SNX29: variants seen among roughly 807,000 people sequenced by gnomAD.
The protein encoded by SNX29 is sorting nexin 29.
Under a neutral mutation model 102.1 loss-of-function variants are expected in SNX29, and 78 were observed. The ratio of observed to expected loss-of-function variants is 0.76; its 90% CI spans 0.64 to 0.92. SNX29 has a LOEUF of 0.92. Ranked by LOEUF, SNX29 falls within the 40% of genes least tolerant of loss-of-function variation. The pLI, the probability that SNX29 is intolerant of heterozygous loss-of-function variation, is 0.00. For synonymous variants in SNX29, 580 were observed against 414.5 expected (o/e 1.40, Z -4.85); for missense variants, 1,280 against 1,061.7 (o/e 1.21, Z -2.86).
intron 20 of SNX29, among the ~76,000 whole-genome samples, chr16:12,567,740 G>A (rs990281621): frequency 2.0e-5 from 3 of 152,066 alleles, no homozygotes; most frequent in African/African-American, 7.2e-5. Context: ...GTAAAACCTG[G>A]GCAAGAGTCG....
intron 16 of SNX29, among the ~76,000 whole-genome samples, chr16:12,385,503 G>T (rs2083310355): frequency 6.6e-6 from 1 of 152,184 alleles, no homozygotes; most frequent in South Asian, 2.1e-4. Context: ...AGAAGTGAAG[G>T]AAGGAGGAGG....
intron 13 of SNX29, among the ~76,000 whole-genome samples, chr16:12,151,611 G>A (rs185454647): frequency 1.1e-3 from 160 of 152,244 alleles, no homozygotes; most frequent in Non-Finnish European, 8.8e-4. Flanking sequence ...TTTGCAGGAC[G>A]GTTTCTTTTC....
intron 13 of SNX29, among the ~76,000 whole-genome samples, chr16:12,198,827 G>T (rs544771864): frequency 7.2e-5 from 11 of 152,224 alleles, no homozygotes; most frequent in Non-Finnish European, 1.3e-4. Context: ...GCATCTTTCC[G>T]CTGAATGACG....
chr16:12,497,622 G>T (rs2088896401), intron 19 of SNX29, among the ~76,000 whole-genome samples: 1 of 152,164 alleles, frequency 6.6e-6, no homozygotes, highest in Middle Eastern at 3.2e-3. Flanking sequence ...TCTTGTATTT[G>T]CTGACATGAG....
chr16:12,565,997 C>A (rs983713929), intron 20 of SNX29, among the ~76,000 whole-genome samples: 1 of 152,202 alleles, frequency 6.6e-6, no homozygotes, highest in African/African-American at 2.4e-5. Context: ...CTTCTGCACC[C>A]CTTCATGCCC....
intron 20 of SNX29, among the ~76,000 whole-genome samples, chr16:12,550,120 A>G (rs140221357): frequency 6.6e-6 from 1 of 152,210 alleles, no homozygotes; most frequent in African/African-American, 2.4e-5. Context: ...GCTGATGTAC[A>G]CTCACATGTA....
At chr16:12,117,010 G>A (rs964879839) in intron 11 of SNX29, among the ~76,000 whole-genome samples, 62 of 150,308 alleles carry the variant, frequency 4.1e-4, no homozygotes, top group African/African-American at 1.3e-3. Context: ...TGGTCAATAC[G>A]TGCTTCAGTG....
At chr16:12,036,334 C>CT (rs1217078180) in intron 4 of SNX29, among the ~76,000 whole-genome samples, 846 of 78,470 alleles carry the variant, frequency 0.011, 13 homozygotes, top group African/African-American at 0.024. Flanking sequence ...TTCTTTCTTT[C>CT]TTTTTTTTTT....
chr16:12,020,144 A>G (rs141186092), intron 3 of SNX29, among the ~76,000 whole-genome samples: 20 of 150,508 alleles, frequency 1.3e-4, no homozygotes, highest in Non-Finnish European at 2.7e-4. Flanking sequence ...TTTTTTTAAG[A>G]CAAGGTCTTG....
At chr16:12,501,961 G>A (rs950540329) in intron 19 of SNX29, among the ~76,000 whole-genome samples, 1 of 152,140 alleles carries the variant, frequency 6.6e-6, no homozygotes, top group African/African-American at 2.4e-5. Context: ...ATGCAGGCCT[G>A]CACCAGGCCA....
At chr16:12,525,346 TAA>T (rs1055153046) in intron 20 of SNX29, among the ~76,000 whole-genome samples, 4 of 151,318 alleles carry the variant, frequency 2.6e-5, no homozygotes, top group East Asian at 1.9e-4. Flanking sequence ...AAAAAAAAAT[TAA>T]AAGAGTTTAC....
intron 9 of SNX29, among the ~76,000 whole-genome samples, chr16:12,067,197 G>T (rs373581739): frequency 3.3e-5 from 5 of 152,048 alleles, no homozygotes; most frequent in African/African-American, 1.2e-4. Flanking sequence ...AAAAGCGGGA[G>T]GGGAAGTGGA....
intron 15 of SNX29, among the ~76,000 whole-genome samples, chr16:12,352,592 A>C (rs1423795220): frequency 6.6e-6 from 1 of 152,250 alleles, no homozygotes; most frequent in East Asian, 1.9e-4. Flanking sequence ...TCTCCAGCCC[A>C]AAAGATGAAA....
At chr16:12,403,591 T>C (rs2084047648) in intron 18 of SNX29, 62 bp downstream of exon 18, 1 of 1,494,350 alleles carries the variant, frequency 6.7e-7, no homozygotes, top group Admixed American at 1.9e-5. Context: ...TTTGTCATGC[T>C]GTGGTGCTTT....
chr16:12,012,364 A>C (rs1199536077), intron 3 of SNX29, among the ~76,000 whole-genome samples: 2 of 152,116 alleles, frequency 1.3e-5, no homozygotes, highest in East Asian at 1.9e-4. Flanking sequence ...CTCTGCTATC[A>C]CAGGGAAGTA....
chr16:12,413,240 C>T (rs184494462), intron 18 of SNX29, among the ~76,000 whole-genome samples: 62 of 152,114 alleles, frequency 4.1e-4, no homozygotes, highest in Admixed American at 9.8e-4. Flanking sequence ...TGTCTCAAAA[C>T]GGGAGATAAA....
At chr16:12,001,393 G>A (rs999974103) in intron 2 of SNX29, among the ~76,000 whole-genome samples, 6 of 152,226 alleles carry the variant, frequency 3.9e-5, no homozygotes, top group South Asian at 2.1e-4. Context: ...GATTACAGAC[G>A]TGAGCCACCG....
chr16:12,212,356 G>C lies in SNX29; in HGVS notation c.1678+12673G>C, dbSNP rs566373874. 7.2e-5 allele frequency among the ~76,000 whole-genome samples: 11 copies of C among 152,274 alleles called. No individual in the cohort carries two copies. The East Asian group carries it at 2.1e-3, about 29-fold the overall frequency. ...TGACTTTCCGCTTCTCAGGAGCAGGGCTGTGTGTAGACTGGACCTGCTCTT... is the reference window on the plus strand; with the variant it reads ...TGACTTTCCGCTTCTCAGGAGCAGGCCTGTGTGTAGACTGGACCTGCTCTT... On this transcript the variant is annotated intron_variant, in intron 14 of 20. Coordinates refer to ENST00000566228, the MANE Select transcript of SNX29 (RefSeq NM_032167.5).
chr16:12,165,594 T>C (rs1311025810), intron 13 of SNX29, among the ~76,000 whole-genome samples: 2 of 152,238 alleles, frequency 1.3e-5, no homozygotes, highest in South Asian at 2.1e-4. Flanking sequence ...AGAGTCTTGC[T>C]CTGTCACCCA....
Sources: gnomAD v4.1 joint callset for allele counts (sites outside exome capture counted in the v4.1 genomes callset) on GRCh38, gnomAD v4.1.1 for gene constraint, MANE v1.5 for transcripts, NCBI Gene and HGNC (gene_info 2026-07-23, HGNC 2026-07-21) for gene names.